Variants in DTNB observed in about 807,000 individuals in gnomAD.
The protein encoded by DTNB is DTN-B.
Under a neutral mutation model 90.7 loss-of-function variants are expected in DTNB, and 63 were observed. The observed-to-expected ratio is 0.69, with a 90% CI of 0.57 to 0.86. The LOEUF (loss-of-function observed/expected upper bound fraction) is 0.86. Among genes scored for constraint, DTNB ranks in the 40% least tolerant of loss-of-function variants. DTNB has a pLI of 0.00. For synonymous variants in DTNB, 277 were observed against 286.7 expected, an observed-to-expected ratio of 0.97 and a Z score of 0.34; for missense variants, 744 against 807.1, an observed-to-expected ratio of 0.92 and a Z score of 0.95.
At chr2:25,586,710 A>G (rs2062496206) in intron 6 of DTNB, among the ~76,000 whole-genome samples, 1 of 152,120 alleles carries the variant, frequency 6.6e-6, no homozygotes. Flanking sequence ...AAGATTAAAA[A>G]CATCAAAGAA....
chr2:25,559,217 C>G (rs2057860200), intron 8 of DTNB, among the ~76,000 whole-genome samples: 1 of 152,148 alleles, frequency 6.6e-6, no homozygotes, highest in South Asian at 2.1e-4. Context: ...CTCTCAAAAC[C>G]CTTCTCCTTG....
intron 8 of DTNB, among the ~76,000 whole-genome samples, chr2:25,560,704 C>T (rs969188587): frequency 1.3e-5 from 2 of 152,332 alleles, no homozygotes; most frequent in African/African-American, 4.8e-5. Context: ...CATTTCCTTA[C>T]AATAAATCTC....
chr2:25,652,820 T>C (rs2081232300), intron 1 of DTNB, 159 bp from the exon 2 acceptor site: 1 of 568,090 alleles, frequency 1.8e-6, no homozygotes, highest in South Asian at 3.2e-5. Context: ...CAGAAAAAGA[T>C]AAACTGCCAT....
At chr2:25,427,399 A>G in intron 15 of DTNB, 136 bp downstream of exon 15, 5 of 782,756 alleles carry the variant, frequency 6.4e-6, no homozygotes, top group Non-Finnish European at 7.8e-6. Context: ...CAATTAGGCT[A>G]AATTTATCTG....
intron 1 of DTNB, among the ~76,000 whole-genome samples, chr2:25,672,086 A>G (rs1413008556): frequency 6.6e-6 from 1 of 152,088 alleles, no homozygotes; most frequent in South Asian, 2.1e-4. Flanking sequence ...AAGCTCTTGA[A>G]GGCCAACATG....
rs1213407892 is a variant in DTNB, at chr2:25,424,968, C to A, written c.1554+2567G>T. Among the ~76,000 whole-genome samples, 2 of 151,974 alleles carry A rather than the reference C, an allele frequency of 1.3e-5. No individual in the cohort carries two copies. Among genetic ancestry groups the A allele is most frequent in the Non-Finnish European group, 1.5e-5 (1 of 67,970 alleles). On this transcript the variant is annotated intron_variant, in intron 15 of 20. Coordinates refer to ENST00000406818, the MANE Select transcript of DTNB (RefSeq NM_021907.5). This position sits in a 1 kb window ranked among gnomAD's most constrained non-coding sequence, Gnocchi z 4.1. ...TTAGCCACTGCGCCCGACTGGATAC[C>A]CTATTATCTCCCATCCCACAGGTGT... is the stretch of plus-strand genomic sequence containing the variant.
chr2:25,556,170 CTTTTTTT>C (rs60714399), intron 8 of DTNB, among the ~76,000 whole-genome samples: 8 of 105,546 alleles, frequency 7.6e-5, no homozygotes, highest in South Asian at 3.3e-4. Context: ...GGCCATCTCT[CTTTTTTT>C]TTTTTTTTTT....
intron 10 of DTNB, among the ~76,000 whole-genome samples, chr2:25,467,312 T>G (rs1304927930): frequency 1.3e-5 from 2 of 150,316 alleles, no homozygotes; most frequent in East Asian, 3.9e-4. Flanking sequence ...TTTTTTTTTT[T>G]TTTTGAGACA....
At chr2:25,457,469 G>A (rs2060226472) in intron 10 of DTNB, among the ~76,000 whole-genome samples, 1 of 152,148 alleles carries the variant, frequency 6.6e-6, no homozygotes, top group Non-Finnish European at 1.5e-5. Flanking sequence ...CTTCTCAGTG[G>A]AAAAAGCTAG....
At chr2:25,473,634 T>C (rs2063220885) in intron 10 of DTNB, among the ~76,000 whole-genome samples, 1 of 152,174 alleles carries the variant, frequency 6.6e-6, no homozygotes, top group Admixed American at 6.5e-5. Flanking sequence ...CTCTAAGTAT[T>C]TGTATCTCCT....
intron 4 of DTNB, among the ~76,000 whole-genome samples, chr2:25,624,852 T>C (rs2073771907): frequency 6.6e-6 from 1 of 152,120 alleles, no homozygotes; most frequent in Non-Finnish European, 1.5e-5. Context: ...AGGAAAAAAA[T>C]GCAGCTATCA....
At chr2:25,548,622 G>A (rs2082943754) in intron 8 of DTNB, among the ~76,000 whole-genome samples, 2 of 152,132 alleles carry the variant, frequency 1.3e-5, no homozygotes, top group Admixed American at 6.5e-5. Context: ...AGCGCAGTCA[G>A]CCTGGAGTGG....
chr2:25,383,801 C>T (rs2038621475), intron 19 of DTNB, 35 bp downstream of exon 19: 1 of 1,614,034 alleles, frequency 6.2e-7, no homozygotes, highest in Non-Finnish European at 8.5e-7. Flanking sequence ...TCGGGCTCCC[C>T]ATTTAAACGA....
intron 14 of DTNB, among the ~76,000 whole-genome samples, chr2:25,430,647 C>T (rs1002399744): frequency 1.2e-4 from 18 of 152,068 alleles, no homozygotes; most frequent in African/African-American, 4.4e-4. Context: ...AGTGATAATG[C>T]GACAATATTG....
chr2:25,379,564 T>TA, intron 19 of DTNB: 2 of 415,620 alleles, frequency 4.8e-6, no homozygotes. Context: ...GGAAAGTCAT[T>TA]AAAAAATGGA....
intron 9 of DTNB, among the ~76,000 whole-genome samples, chr2:25,500,205 A>C (rs552644242): frequency 4.6e-5 from 7 of 152,206 alleles, no homozygotes; most frequent in African/African-American, 1.4e-4. Context: ...CAGGCCATCT[A>C]CTTACCATTC....
chr2:25,558,864 C>T (rs1382914275), intron 8 of DTNB, among the ~76,000 whole-genome samples: 1 of 152,136 alleles, frequency 6.6e-6, no homozygotes, highest in Non-Finnish European at 1.5e-5. Flanking sequence ...TTGGGGGGCT[C>T]TAGAAAGTCC....
chr2:25,384,832 G>A (rs554856771), intron 18 of DTNB, among the ~76,000 whole-genome samples: 60 of 152,188 alleles, frequency 3.9e-4, no homozygotes, highest in African/African-American at 1.3e-3. Context: ...ATTGGGTGGC[G>A]AGTTGGATTA....
chr2:25,530,568 T>C (rs2077979094), intron 9 of DTNB, among the ~76,000 whole-genome samples: 1 of 152,240 alleles, frequency 6.6e-6, no homozygotes, highest in South Asian at 2.1e-4. Context: ...TGGGAGGGTA[T>C]GTTGCATTCA....
Sources: gnomAD v4.1 joint callset for allele counts (sites outside exome capture counted in the v4.1 genomes callset) on GRCh38, gnomAD v4.1.1 for gene constraint, Gnocchi (gnomAD v3.1) non-coding constraint, MANE v1.5 for transcripts, NCBI Gene and HGNC (gene_info 2026-07-23, HGNC 2026-07-21) for gene names.